ASMT: variants seen among roughly 807,000 people sequenced by gnomAD.
ASMT encodes acetylserotonin N-methyltransferase.
In ASMT, 53 loss-of-function variants were observed where a neutral mutation model predicts 41.3. That is an observed-to-expected ratio of 1.28 (90% CI 1.03 to 1.61). The LOEUF (loss-of-function observed/expected upper bound fraction) is 1.61, where lower values mean the gene tolerates loss of function less well. Ranked by LOEUF, ASMT falls within the 40% of genes most tolerant of loss-of-function variation. The probability of loss-of-function intolerance (pLI) is 0.00; values close to 1 mark genes in which losing one functional copy is unlikely to be tolerated. For synonymous variants in ASMT, 231 were observed against 184.8 expected, an observed-to-expected ratio of 1.25 and a Z score of -2.03; for missense variants, 531 against 441.3, an observed-to-expected ratio of 1.20 and a Z score of -1.82.
chrX:1,616,057 C>G (rs1418304906), intron 1 of ASMT, among the ~76,000 whole-genome samples: 1 of 151,708 alleles, frequency 6.6e-6, no homozygotes, highest in Non-Finnish European at 1.5e-5. Context: ...GAGCTGGAGT[C>G]TCACTCTGTA....
intron 7 of ASMT, among the ~76,000 whole-genome samples, chrX:1,634,665 T>A (rs1309937660): frequency 2.8e-5 from 4 of 144,932 alleles, no homozygotes; most frequent in Non-Finnish European, 4.5e-5. Flanking sequence ...CCCCCCCCTT[T>A]TTTTTTCTTG....
In ASMT at chrX:1,615,186, G is replaced by C; in HGVS notation, c.-14G>C. 1 of 1,586,190 alleles carries C rather than the reference G, an allele frequency of 6.3e-7. No individual in the cohort carries two copies. The highest frequency in any genetic ancestry group is 8.6e-7 in the Non-Finnish European group (1 of 1,166,410). On this transcript the variant is annotated 5_prime_UTR_variant, in exon 1 of 9. Coordinates refer to ENST00000381241, the MANE Select transcript of ASMT (RefSeq NM_001171038.2). Reference sequence around the variant, plus strand: ...TCCAGAGGCTCCGGAAGCCACGGCTGGATTGGAGACAAGATGGGATCCTCA... The same window carrying C: ...TCCAGAGGCTCCGGAAGCCACGGCTCGATTGGAGACAAGATGGGATCCTCA...
intron 8 of ASMT, among the ~76,000 whole-genome samples, chrX:1,637,471 G>T: frequency 1.4e-4 from 1 of 7,010 alleles, no homozygotes; most frequent in Non-Finnish European, 3.0e-4. Flanking sequence ...GAGGATGTGG[G>T]CACAGCCTCT....
chrX:1,634,824 C>G (rs1251082215), intron 7 of ASMT, among the ~76,000 whole-genome samples: 1 of 151,910 alleles, frequency 6.6e-6, no homozygotes, highest in Non-Finnish European at 1.5e-5. Flanking sequence ...TATCACCATG[C>G]CTGGCTAATT....
Position 1,632,771 on chromosome X carries a change from C to T in ASMT, c.630C>T (p.Arg210=), listed in dbSNP as rs758073107. The change falls in exon 6 of 9, where the codon CGC becomes CGT. Residue 210 remains arginine, a synonymous_variant. Coordinates refer to ENST00000381241, the MANE Select transcript of ASMT (RefSeq NM_001171038.2). ...CGCAAGGACAGAAAACCAAACACCG[C>T]GTGTTCTCACTCATAGGTGGGAACT... ...KLSQGQKTKH[R]VFSLIGGAGA... 3 of 359,852 alleles carry T rather than the reference C, an allele frequency of 8.3e-6. No individual in the cohort carries two copies. Among genetic ancestry groups the T allele is most frequent in the South Asian group, 2.9e-5 (1 of 34,964 alleles). The allele number at this position is 359,852 out of a possible 1,614,324, so 22.3% of individuals were successfully genotyped here.
At chrX:1,636,322 C>T (rs1934960859) in intron 7 of ASMT, 116 bp from the exon 8 acceptor site, 2 of 1,472,566 alleles carry the variant, frequency 1.4e-6, no homozygotes, top group East Asian at 2.3e-5. Flanking sequence ...AGGTGACTAG[C>T]CTGGAAGACC....
At chrX:1,636,164 A>C in intron 7 of ASMT, 1 of 464,266 alleles carries the variant, frequency 2.2e-6, no homozygotes, top group Non-Finnish European at 4.0e-6. Context: ...TCACCGTGTT[A>C]GCCAGGATGG....
chrX:1,628,557 G>A (rs1352604897), intron 4 of ASMT, among the ~76,000 whole-genome samples: 2 of 152,000 alleles, frequency 1.3e-5, no homozygotes, highest in Non-Finnish European at 2.9e-5. Context: ...GGATGCCTGA[G>A]TGGTTCGCCT....
Position 1,624,367 on chromosome X carries a change from C to T in ASMT, c.343C>T (p.Arg115Trp), listed in dbSNP as rs201053197. Residue 115 changes from arginine to tryptophan, a missense_variant, in exon 3 of 9, where the codon CGG becomes TGG. Transcript: ENST00000381241. Reference protein sequence around the residue: ...MLKYMGRTSYRCWGHLADAVR... With the variant: ...MLKYMGRTSYWCWGHLADAVR... ...GAAGTACATGGGCAGGACCAGCTAC[C>T]GGTGCTGGGGCCACCTGGCAGACGC... is the stretch of plus-strand genomic sequence containing the variant. 4.8e-5 allele frequency: 78 copies of T among 1,613,752 alleles called. No homozygotes were observed. In the East Asian group the frequency reaches 8.2e-4, roughly 17 times the overall value.
intron 5 of ASMT, among the ~76,000 whole-genome samples, chrX:1,632,255 T>A (rs1281165781): frequency 3.3e-5 from 5 of 151,978 alleles, no homozygotes; most frequent in Non-Finnish European, 7.4e-5. Flanking sequence ...TGCGTGGCCA[T>A]ATGGAAGTTT....
At chrX:1,616,930 G>C (rs753806888) in intron 1 of ASMT, among the ~76,000 whole-genome samples, 42 of 151,664 alleles carry the variant, frequency 2.8e-4, no homozygotes, top group South Asian at 8.4e-4. Flanking sequence ...GGATGGTCTC[G>C]ATCTCCTGAC....
At chrX:1,624,212 G>A (rs1351684618) in intron 2 of ASMT, 57 bp from the exon 3 acceptor site, 5 of 1,611,362 alleles carry the variant, frequency 3.1e-6, no homozygotes, top group Admixed American at 3.3e-5. Context: ...GGGAGCGTCC[G>A]CCGGCAGGAA....
At chrX:1,626,516 G>T (rs1934554494) in intron 3 of ASMT, among the ~76,000 whole-genome samples, 1 of 152,088 alleles carries the variant, frequency 6.6e-6, no homozygotes, top group Non-Finnish European at 1.5e-5. Flanking sequence ...TTATAGGTGT[G>T]AGCCACCACG....
At position 1,636,445 on chromosome X, in the gene ASMT, C is replaced by T. The variant is rs1473602234; in HGVS notation, c.795C>T (p.Phe265=). The T allele has an allele frequency of 6.2e-6, 10 of 1,613,772 alleles. No individual in the cohort carries two copies. In the East Asian group the frequency reaches 1.8e-4, roughly 29 times the overall value. Residue 265 remains phenylalanine (F), a synonymous_variant, in exon 8 of 9, where the codon TTC becomes TTT. Transcript: ENST00000381241. ...GCCTGCCCTGTGTTCCAGGGGATTT[C>T]TTCAAAGACCCTCTTCCGGAAGCTG... The part of the protein sequence containing the change: ...EEQIDFQEGD[F]FKDPLPEADL...
chrX:1,624,274 T>C lies in ASMT; in HGVS notation c.250T>C (p.Tyr84His), dbSNP rs759680153. ...TTTTTTTGTGTGTGTTTCAGCTTTC[T>C]ATCGAAACACAGAGCTGTCCAGCGA... ...KVETRGGKAFYRNTELSSDYL... is the reference protein window; with the variant it reads ...KVETRGGKAFHRNTELSSDYL... The change falls in exon 3 of 9, where the codon TAT (tyrosine) becomes CAT (histidine). Residue 84 changes from tyrosine to histidine, a missense_variant. Coordinates refer to ENST00000381241, the MANE Select transcript of ASMT (RefSeq NM_001171038.2). 3 of 1,613,968 alleles carry C rather than the reference T, an allele frequency of 1.9e-6. No homozygotes were observed. Among genetic ancestry groups the C allele is most frequent in the African/African-American group, 1.3e-5 (1 of 75,056 alleles).
chrX:1,625,912 A>G lies in ASMT; in HGVS notation c.374+1514A>G, dbSNP rs1165653975. ...GGAGGTTGCAGTGAGCCAAGATCGC[A>G]CCACTGCACTCCAGCCTGGGCGACA... On this transcript the variant is annotated intron_variant, in intron 3 of 8. Transcript: ENST00000381241. Among the ~76,000 whole-genome samples, 324 of 140,292 alleles carry G rather than the reference A, an allele frequency of 2.3e-3. 1 individual carries two copies. Among genetic ancestry groups the G allele is most frequent in the African/African-American group, 8.0e-3 (297 of 37,318 alleles). The allele number at this position is 140,292 out of a possible 152,430, so 92.0% of individuals were successfully genotyped here.
Position 1,642,921 on chromosome X carries a change from C to A in ASMT, c.1029C>A (p.Thr343=). ...VQTEGQERTP[T]HYHMLLSSAG... ...CGGAAGGGCAGGAGAGGACCCCCACCCACTACCACATGCTCCTCTCTTCTG... is the reference window on the plus strand; with the variant it reads ...CGGAAGGGCAGGAGAGGACCCCCACACACTACCACATGCTCCTCTCTTCTG... Residue 343 remains threonine (T), a synonymous_variant, in exon 9 of 9, where the codon ACC becomes ACA. Coordinates refer to ENST00000381241, the MANE Select transcript of ASMT (RefSeq NM_001171038.2). 6.2e-7 allele frequency: 1 copy of A among 1,613,970 alleles called. No individual in the cohort carries two copies.
At chrX:1,636,174 G>A in intron 7 of ASMT, 1 of 501,534 alleles carries the variant, frequency 2.0e-6, no homozygotes, top group East Asian at 4.2e-5. Context: ...AGCCAGGATG[G>A]TCTTGATCTC....
intron 1 of ASMT, among the ~76,000 whole-genome samples, chrX:1,615,666 G>T (rs1414426760): frequency 6.6e-6 from 1 of 151,964 alleles, no homozygotes; most frequent in Admixed American, 6.6e-5. Flanking sequence ...GCCAGGCTTG[G>T]TGGTACATGC....
Sources: gnomAD v4.1 joint callset for allele counts (sites outside exome capture counted in the v4.1 genomes callset) on GRCh38, gnomAD v4.1.1 for gene constraint, MANE v1.5 for transcripts, NCBI Gene and HGNC (gene_info 2026-07-23, HGNC 2026-07-21) for gene names.